TRDN: variants seen among roughly 807,000 people sequenced by gnomAD.
TRDN encodes triadin, also known as triadin in skeletal muscle.
TRDN carries 161 observed loss-of-function variants against 149.7 expected under a neutral mutation model. The ratio of observed to expected loss-of-function variants is 1.08; its 90% CI spans 0.95 to 1.23. The LOEUF (loss-of-function observed/expected upper bound fraction) is 1.23. TRDN is among the 50% of genes most tolerant of loss of function. The pLI is 0.00. For missense variants in TRDN, 896 were observed against 823.5 expected (o/e 1.09, Z -1.08); for synonymous variants, 294 against 250.5 (o/e 1.17, Z -1.64).
chr6:123,352,122 AT>A lies in TRDN; in HGVS notation c.1369+416del, dbSNP rs142332258. 29 of 982,884 alleles carry A rather than the reference AT, an allele frequency of 3.0e-5. No individual in the cohort carries two copies. The South Asian group carries it at 3.3e-4, about 11-fold the overall frequency. 60.9% of individuals were successfully genotyped at this position (982,884 alleles called of 1,614,324 possible). A position where few individuals can be genotyped will look rare whatever the true frequency, so the allele number is the denominator to read the frequency against. On this transcript the variant is annotated intron_variant, in intron 21 of 40. Transcript: ENST00000334268. ...ATTTTCTTCATTTTAACTTTTACAT[AT>A]TTTTTTTCAAGCAACAGAAATAGTT...
At chr6:123,573,731 A>T (rs1487227940) in intron 1 of TRDN, among the ~76,000 whole-genome samples, 1 of 152,086 alleles carries the variant, frequency 6.6e-6, no homozygotes, top group Non-Finnish European at 1.5e-5. Context: ...AAATTAGAAA[A>T]GATGATCTAT....
intron 5 of TRDN, among the ~76,000 whole-genome samples, chr6:123,521,287 G>A (rs1358706939): frequency 1.3e-5 from 2 of 152,118 alleles, no homozygotes; most frequent in Non-Finnish European, 2.9e-5. Flanking sequence ...TGGAAATAAG[G>A]TTTTTACAGA....
At chr6:123,580,761 C>T (rs565576720) in intron 1 of TRDN, among the ~76,000 whole-genome samples, 2 of 152,276 alleles carry the variant, frequency 1.3e-5, no homozygotes, top group Admixed American at 1.3e-4. Context: ...GAGTTCTTCT[C>T]TATGTAAATA....
intron 9 of TRDN, among the ~76,000 whole-genome samples, chr6:123,482,342 G>A (rs1777784534): frequency 6.6e-6 from 1 of 152,080 alleles, no homozygotes; most frequent in African/African-American, 2.4e-5. Flanking sequence ...TGTAGATAGA[G>A]GATAAAATGG....
At chr6:123,545,097 C>G (rs1781047986) in intron 4 of TRDN, among the ~76,000 whole-genome samples, 2 of 151,806 alleles carry the variant, frequency 1.3e-5, no homozygotes, top group Admixed American at 6.6e-5. Context: ...AAAAATGCTA[C>G]AGCCTGATAA....
intron 15 of TRDN, 34 bp downstream of exon 15, chr6:123,382,084 A>G (rs377143348): frequency 2.5e-5 from 37 of 1,461,590 alleles, no homozygotes; most frequent in Non-Finnish European, 3.3e-5. Flanking sequence ...GGTTCATCAA[A>G]CATAAGGCAG....
intron 5 of TRDN, among the ~76,000 whole-genome samples, chr6:123,517,485 G>T (rs1213670607): frequency 6.6e-6 from 1 of 151,986 alleles, no homozygotes; most frequent in East Asian, 1.9e-4. Context: ...CCTCCTCACT[G>T]CTTAGTATGG....
At chr6:123,575,886 C>T (rs574378425) in intron 1 of TRDN, among the ~76,000 whole-genome samples, 1 of 152,054 alleles carries the variant, frequency 6.6e-6, no homozygotes, top group South Asian at 2.1e-4. Flanking sequence ...CTGTGGGACG[C>T]TGACAATACA....
chr6:123,311,399 A>G (rs549667913), intron 24 of TRDN, among the ~76,000 whole-genome samples: 2 of 152,124 alleles, frequency 1.3e-5, no homozygotes, highest in African/African-American at 4.8e-5. Context: ...CTGGGGATAC[A>G]GAGCCAAGCC....
intron 20 of TRDN, among the ~76,000 whole-genome samples, chr6:123,355,530 T>C (rs924926216): frequency 6.6e-6 from 1 of 151,728 alleles, no homozygotes; most frequent in African/African-American, 2.4e-5. Flanking sequence ...TTAAGATAAT[T>C]CTTGATATCT....
At chr6:123,502,010 T>C in intron 8 of TRDN, 5 of 984,784 alleles carry the variant, frequency 5.1e-6, no homozygotes, top group Non-Finnish European at 6.0e-6. Context: ...TTCACATTCC[T>C]AGTTGTTAGA....
chr6:123,245,563 C>T (rs1340876989), intron 38 of TRDN, among the ~76,000 whole-genome samples: 1 of 151,938 alleles, frequency 6.6e-6, no homozygotes, highest in Non-Finnish European at 1.5e-5. Context: ...TATGATGCAC[C>T]CAATACAGGA....
At chr6:123,449,203 G>T (rs575811147) in intron 10 of TRDN, among the ~76,000 whole-genome samples, 2 of 152,046 alleles carry the variant, frequency 1.3e-5, no homozygotes, top group Non-Finnish European at 2.9e-5. Context: ...CACCAGCAAA[G>T]GATTCAAACC....
intron 38 of TRDN, among the ~76,000 whole-genome samples, chr6:123,244,430 C>T (rs538986292): frequency 3.3e-5 from 5 of 151,970 alleles, no homozygotes; most frequent in South Asian, 2.1e-4. Context: ...AAACACAGCA[C>T]GAGAATTTCC....
intron 1 of TRDN, among the ~76,000 whole-genome samples, chr6:123,617,885 C>T (rs1435048609): frequency 2.0e-5 from 3 of 151,854 alleles, no homozygotes; most frequent in Non-Finnish European, 2.9e-5. Context: ...TGACAGGTGC[C>T]CGCCAACACA....
intron 31 of TRDN, among the ~76,000 whole-genome samples, chr6:123,268,882 A>G (rs981911691): frequency 6.6e-6 from 1 of 152,056 alleles, no homozygotes; most frequent in Non-Finnish European, 1.5e-5. Context: ...TAATAATAAT[A>G]TAAAATATAT....
chr6:123,265,473 T>C, intron 32 of TRDN, 135 bp from the exon 33 acceptor site: 1 of 522,886 alleles, frequency 1.9e-6, no homozygotes, highest in Non-Finnish European at 3.2e-6. Flanking sequence ...CAATGAACAG[T>C]AGGAAATGTG....
chr6:123,445,114 C>A (rs1050575048), intron 10 of TRDN: 4 of 151,256 alleles, frequency 2.6e-5, no homozygotes, highest in African/African-American at 9.8e-5. Context: ...CCTCCTTGTA[C>A]CTCTGGTAGA....
chr6:123,454,087 A>G (rs561597715), intron 10 of TRDN, among the ~76,000 whole-genome samples: 2 of 152,192 alleles, frequency 1.3e-5, no homozygotes, highest in South Asian at 2.1e-4. Flanking sequence ...CTATAAGGAC[A>G]CAAAGACATA....
Sources: allele counts gnomAD v4.1 joint callset (sites outside exome capture counted in the v4.1 genomes callset), GRCh38; gene constraint gnomAD v4.1.1; transcripts MANE v1.5; gene names NCBI Gene and HGNC (gene_info 2026-07-23, HGNC 2026-07-21).